MCC: variants seen among roughly 807,000 people sequenced by gnomAD.
The protein encoded by MCC is colorectal mutant cancer protein.
In MCC, 90 loss-of-function variants were observed where a neutral mutation model predicts 116.2. The ratio of observed to expected loss-of-function variants is 0.77; its 90% confidence interval spans 0.65 to 0.92. The LOEUF (loss-of-function observed/expected upper bound fraction) is 0.92. Among genes scored for constraint, MCC ranks in the 40% least tolerant of loss-of-function variants. The probability of loss-of-function intolerance (pLI) is 0.00; values close to 1 mark genes in which losing one functional copy is unlikely to be tolerated. For synonymous variants in MCC, 578 were observed against 510.5 expected (o/e 1.13, Z -1.78); for missense variants, 1,516 against 1,312.2 (o/e 1.16, Z -2.40).
rs144605454 is a variant in MCC at position 113,322,235 on chromosome 5, T to C, written c.627+18284A>G. On this transcript the variant is annotated intron_variant, in intron 3 of 18. Coordinates refer to ENST00000408903, the MANE Select transcript of MCC (RefSeq NM_001085377.2). ...AGAGAATACACACCTGTGGCTTCCT[T>C]GACTTTACCATCTGGTGGGGAAAGT... Among the ~76,000 whole-genome samples, 583 of 152,362 alleles carry C rather than the reference T, an allele frequency of 3.8e-3. 2 individuals carry two copies. Among genetic ancestry groups the C allele is most frequent in the Non-Finnish European group, 7.2e-3 (489 of 68,032 alleles).
chr5:113,077,812 A>G (rs538687552), intron 11 of MCC, among the ~76,000 whole-genome samples: 2 of 152,356 alleles, frequency 1.3e-5, no homozygotes, highest in South Asian at 4.1e-4. Flanking sequence ...AGATCAGAGC[A>G]GAACTGAAGG....
chr5:113,212,169 A>T (rs1200175350), intron 3 of MCC, among the ~76,000 whole-genome samples: 1 of 152,246 alleles, frequency 6.6e-6, no homozygotes, highest in East Asian at 1.9e-4. Flanking sequence ...AAATTAGTAA[A>T]TAAAATTATG....
At chr5:113,215,530 T>G (rs1763282402) in intron 3 of MCC, among the ~76,000 whole-genome samples, 1 of 152,140 alleles carries the variant, frequency 6.6e-6, no homozygotes, top group African/African-American at 2.4e-5. Flanking sequence ...CCCTCATGAA[T>G]GGGATTAAGG....
At chr5:113,168,907 G>A (rs1318277486) in intron 3 of MCC, among the ~76,000 whole-genome samples, 1 of 152,114 alleles carries the variant, frequency 6.6e-6, no homozygotes, top group Non-Finnish European at 1.5e-5. Flanking sequence ...GCTTAGGCAG[G>A]CATCAGCCCC....
Position 113,081,507 on chromosome 5 carries a change from G to C in MCC, c.1784+1353C>G, listed in dbSNP as rs139357021. Among the ~76,000 whole-genome samples the C allele has an allele frequency of 1.5e-3, 234 of 152,242 alleles. 3 individuals carry two copies. The highest frequency in any genetic ancestry group is 5.4e-3 in the African/African-American group (223 of 41,546). On this transcript the variant is annotated intron_variant, in intron 11 of 18. Coordinates refer to ENST00000408903, the MANE Select transcript of MCC (RefSeq NM_001085377.2). Reference sequence around the variant, plus strand: ...GTATATAACGGAGTAGAAAGCAACTGCCCTATTCAAGGTCAGCCACAGATC... The same window carrying C: ...GTATATAACGGAGTAGAAAGCAACTCCCCTATTCAAGGTCAGCCACAGATC...
intron 17 of MCC, among the ~76,000 whole-genome samples, chr5:113,038,971 G>A (rs1339176971): frequency 6.6e-6 from 1 of 152,154 alleles, no homozygotes; most frequent in Non-Finnish European, 1.5e-5. Flanking sequence ...GCTGGGCACA[G>A]CCCCTGGATG....
At chr5:113,253,861 G>A (rs890511683) in intron 3 of MCC, among the ~76,000 whole-genome samples, 1 of 152,088 alleles carries the variant, frequency 6.6e-6, no homozygotes, top group Admixed American at 6.6e-5. Context: ...GCATATTGAA[G>A]TTAAAAATTC....
chr5:113,150,544 A>G (rs1201212727), intron 4 of MCC, among the ~76,000 whole-genome samples: 1 of 152,206 alleles, frequency 6.6e-6, no homozygotes, highest in Non-Finnish European at 1.5e-5. Context: ...AGTTAGAAAT[A>G]AAATGAAAAT....
At chr5:113,291,451 G>A (rs774698416) in intron 3 of MCC, among the ~76,000 whole-genome samples, 5 of 152,190 alleles carry the variant, frequency 3.3e-5, no homozygotes, top group Non-Finnish European at 5.9e-5. Context: ...GACTTCTGTG[G>A]CTAGGGGACC....
chr5:113,345,725 C>G (rs1353133208), intron 2 of MCC, among the ~76,000 whole-genome samples: 2 of 152,216 alleles, frequency 1.3e-5, no homozygotes, highest in African/African-American at 4.8e-5. Context: ...GTGCCCAAGT[C>G]CCTTTGGATA....
chr5:113,347,268 GACT>G (rs1333946850), intron 2 of MCC, among the ~76,000 whole-genome samples: 1 of 152,002 alleles, frequency 6.6e-6, no homozygotes, highest in Non-Finnish European at 1.5e-5. Context: ...AAAAAATAAT[GACT>G]ACAACAACTT....
chr5:113,416,265 G>A (rs558243997), intron 1 of MCC, among the ~76,000 whole-genome samples: 3 of 152,178 alleles, frequency 2.0e-5, no homozygotes, highest in African/African-American at 7.2e-5. Flanking sequence ...TTTAAACAAT[G>A]TTGGAGAGCT....
rs1175650687 is a variant in MCC, at chr5:113,390,496, C to T, written c.171-5284G>A. On this transcript the variant is annotated intron_variant, in intron 1 of 18. Transcript: ENST00000408903. Reference sequence around the variant, plus strand: ...CAAGATTGATGCTTCTCACTCAAAACTGCATGGTTTCACAATGAACAGCTA... The same window carrying T: ...CAAGATTGATGCTTCTCACTCAAAATTGCATGGTTTCACAATGAACAGCTA... Among the ~76,000 whole-genome samples the T allele has an allele frequency of 2.6e-5, 4 of 152,190 alleles. No individual in the cohort carries two copies. The South Asian group carries it at 6.2e-4, about 24-fold the overall frequency.
chr5:113,158,931 A>G (rs1760328335), intron 3 of MCC, among the ~76,000 whole-genome samples: 1 of 151,930 alleles, frequency 6.6e-6, no homozygotes, highest in African/African-American at 2.4e-5. Context: ...GTGTCCATGT[A>G]TGTGTGTGTG....
At chr5:113,073,419 G>C (rs1177621874) in intron 11 of MCC, among the ~76,000 whole-genome samples, 1 of 152,156 alleles carries the variant, frequency 6.6e-6, no homozygotes, top group Non-Finnish European at 1.5e-5. Flanking sequence ...ATGTCAATCA[G>C]ATCTTGTTTT....
At chr5:113,308,975 T>C (rs1040410654) in intron 3 of MCC, among the ~76,000 whole-genome samples, 2 of 152,220 alleles carry the variant, frequency 1.3e-5, no homozygotes, top group African/African-American at 2.4e-5. Context: ...CTAGTCCCCA[T>C]TGACAAGTAT....
At chr5:113,370,363 G>T (rs1347548895) in intron 2 of MCC, among the ~76,000 whole-genome samples, 1 of 152,204 alleles carries the variant, frequency 6.6e-6, no homozygotes, top group Admixed American at 6.5e-5. Context: ...ACAGGGCAAA[G>T]TGACACCATT....
chr5:113,286,313 C>T (rs1766258282), intron 3 of MCC, among the ~76,000 whole-genome samples: 1 of 152,222 alleles, frequency 6.6e-6, no homozygotes, highest in Non-Finnish European at 1.5e-5. Flanking sequence ...ACTCTCACCA[C>T]ATAACCAGTC....
intron 2 of MCC, among the ~76,000 whole-genome samples, chr5:113,370,174 A>G (rs1261976068): frequency 2.0e-5 from 3 of 152,186 alleles, no homozygotes; most frequent in African/African-American, 7.2e-5. Flanking sequence ...GAATCTCCAC[A>G]ATGGATGACG....
Sources: gnomAD v4.1 joint callset for allele counts (sites outside exome capture counted in the v4.1 genomes callset) on GRCh38, gnomAD v4.1.1 for gene constraint, MANE v1.5 for transcripts, NCBI Gene and HGNC (gene_info 2026-07-23, HGNC 2026-07-21) for gene names.